NHSL1: variants seen among roughly 807,000 people sequenced by gnomAD.
NHSL1 encodes NHS-like protein 1.
A neutral mutation model predicts 95.0 loss-of-function variants in NHSL1; 48 were observed. The observed-to-expected ratio is 0.51, with a 90% CI of 0.40 to 0.64. The LOEUF is 0.64. Ranked by LOEUF, NHSL1 falls within the 30% of genes least tolerant of loss-of-function variation. NHSL1 has a pLI of 0.00. For synonymous variants in NHSL1, 783 were observed against 833.9 expected (o/e 0.94, Z 1.05); for missense variants, 1,971 against 2,077.7 (o/e 0.95, Z 1.00).
intron 3 of NHSL1, among the ~76,000 whole-genome samples, chr6:138,472,198 A>AG (rs1778799303): frequency 6.6e-6 from 1 of 151,996 alleles, no homozygotes; most frequent in Non-Finnish European, 1.5e-5. Flanking sequence ...AAAAAAAAAA[A>AG]AAGAATCTAA....
At chr6:138,502,122 TC>T (rs1434020715), upstream of NHSL1, among the ~76,000 whole-genome samples, 1 of 152,124 alleles carries the variant, frequency 6.6e-6, no homozygotes, top group African/African-American at 2.4e-5. Context: ...GGATGTCTCA[TC>T]CTCTGTGCAT....
chr6:138,672,739 C>A (rs1465312502), intron 1 of NHSL1, among the ~76,000 whole-genome samples: 1 of 152,128 alleles, frequency 6.6e-6, no homozygotes, highest in Non-Finnish European at 1.5e-5. Context: ...AATGTTTCAG[C>A]TGGGCGCAGT....
intron 1 of NHSL1, among the ~76,000 whole-genome samples, chr6:138,584,398 T>C (rs779397866): frequency 2.0e-5 from 3 of 152,144 alleles, no homozygotes; most frequent in Non-Finnish European, 4.4e-5. Context: ...TATCTTTGTA[T>C]GTTTTTCTCT....
chr6:138,573,933 C>T (rs549973908), upstream of NHSL1, among the ~76,000 whole-genome samples: 9 of 152,146 alleles, frequency 5.9e-5, no homozygotes, highest in Admixed American at 5.2e-4. Context: ...ACTTTGACTA[C>T]CATTATTTTA....
chr6:138,647,217 T>C (rs1008423674), intron 1 of NHSL1, among the ~76,000 whole-genome samples: 3 of 152,152 alleles, frequency 2.0e-5, no homozygotes, highest in Admixed American at 1.3e-4. Context: ...AACAAAAAAA[T>C]GGAGCAACGT....
chr6:138,690,609 C>T (rs1292083446), intron 1 of NHSL1, among the ~76,000 whole-genome samples: 4 of 152,084 alleles, frequency 2.6e-5, no homozygotes, highest in African/African-American at 4.8e-5. Flanking sequence ...GGCGTGGTGG[C>T]GGGCGCCTGT....
intron 1 of NHSL1, among the ~76,000 whole-genome samples, chr6:138,684,514 G>C (rs9495204): frequency 6.6e-6 from 1 of 151,982 alleles, no homozygotes; most frequent in Non-Finnish European, 1.5e-5. Flanking sequence ...GCGTGGTGGC[G>C]TGCGCCTGTA....
intron 1 of NHSL1, among the ~76,000 whole-genome samples, chr6:138,555,190 CT>C (rs925738389): frequency 6.6e-6 from 1 of 152,136 alleles, no homozygotes; most frequent in Non-Finnish European, 1.5e-5. Context: ...GAGCCTTTTC[CT>C]TTTTGATTTT....
intron 3 of NHSL1, among the ~76,000 whole-genome samples, chr6:138,468,910 C>G (rs891169597): frequency 1.3e-5 from 2 of 152,212 alleles, no homozygotes; most frequent in Non-Finnish European, 2.9e-5. Context: ...AGATTTCTTG[C>G]ATTTGCTTTA....
chr6:138,459,407 G>C (rs1273426933), intron 3 of NHSL1, among the ~76,000 whole-genome samples: 1 of 152,072 alleles, frequency 6.6e-6, no homozygotes, highest in Non-Finnish European at 1.5e-5. Flanking sequence ...ATTTGACTTT[G>C]TAGATATGAA....
rs1554223549 is a variant in NHSL1, at chr6:138,443,074, T to TATAC, written c.533-961_533-960insGTAT. 1.9e-3 allele frequency among the ~76,000 whole-genome samples: 281 copies of TATAC among 151,092 alleles called. 1 individual carries two copies. The highest frequency in any genetic ancestry group is 6.7e-3 in the African/African-American group (274 of 40,872). On this transcript the variant is annotated intron_variant, in intron 4 of 7. Transcript: ENST00000343505. Reference sequence around the variant, plus strand: ...ATATACACACACACATATATATATATACACACACACACATTAAAAACTTCT... The same window carrying TATAC: ...ATATACACACACACATATATATATATATACACACACACACACATTAAAAACTTCT...
At chr6:138,576,433 C>T (rs931027680), upstream of NHSL1, among the ~76,000 whole-genome samples, 1 of 152,186 alleles carries the variant, frequency 6.6e-6, no homozygotes, top group Non-Finnish European at 1.5e-5. Flanking sequence ...GTGAGACAGA[C>T]GTGCTGAACA....
chr6:138,450,879 A>G lies in NHSL1; in HGVS notation c.340-3686T>C, dbSNP rs59829744. On this transcript the variant is annotated intron_variant, in intron 3 of 7. Coordinates refer to ENST00000343505, the MANE Select transcript of NHSL1 (RefSeq NM_001144060.2). ...GCAGGGGCACAGAAAAACCTCCCTC[A>G]TTTCAGTGGCAGAACACATGATTAG... 9.3e-3 allele frequency among the ~76,000 whole-genome samples: 1,419 copies of G among 152,174 alleles called. 25 individuals carry two copies. The highest frequency in any genetic ancestry group is 0.033 in the African/African-American group (1,353 of 41,528).
chr6:138,428,077 C>G (rs147570860), intron 7 of NHSL1, among the ~76,000 whole-genome samples: 6 of 152,142 alleles, frequency 3.9e-5, no homozygotes, highest in Non-Finnish European at 8.8e-5. Context: ...ATAGAAGAGG[C>G]CTTTGGCATA....
intron 2 of NHSL1, among the ~76,000 whole-genome samples, chr6:138,495,797 T>C (rs1321522968): frequency 6.6e-6 from 1 of 152,208 alleles, no homozygotes; most frequent in East Asian, 1.9e-4. Flanking sequence ...TAGTTCCACA[T>C]GGCTGGGGAG....
chr6:138,632,228 T>A (rs116306094), intron 1 of NHSL1, among the ~76,000 whole-genome samples: 7,466 of 152,214 alleles, frequency 0.049, 610 homozygotes, highest in African/African-American at 0.17. Flanking sequence ...GGTAGACTTG[T>A]AAGGTTTTTG....
At chr6:138,659,182 T>C (rs1785194709) in intron 1 of NHSL1, among the ~76,000 whole-genome samples, 1 of 151,714 alleles carries the variant, frequency 6.6e-6, no homozygotes, top group South Asian at 2.1e-4. Flanking sequence ...CCTGAGACGC[T>C]GGGATTACAG....
intron 1 of NHSL1, among the ~76,000 whole-genome samples, chr6:138,663,237 G>T: frequency 6.6e-6 from 1 of 152,038 alleles, no homozygotes. Flanking sequence ...AGCATATATG[G>T]TATGCTGTCA....
intron 1 of NHSL1, among the ~76,000 whole-genome samples, chr6:138,509,199 T>C (rs116161252): frequency 0.049 from 7,477 of 152,286 alleles, 216 homozygotes; most frequent in African/African-American, 0.078. Flanking sequence ...CTTAACATAA[T>C]CATACATTTA....
Sources: gnomAD v4.1 joint callset for allele counts (sites outside exome capture counted in the v4.1 genomes callset) on GRCh38, gnomAD v4.1.1 for gene constraint, MANE v1.5 for transcripts, NCBI Gene and HGNC (gene_info 2026-07-23, HGNC 2026-07-21) for gene names.